GRM7: variants seen among roughly 807,000 people sequenced by gnomAD.
GRM7 encodes glutamate metabotropic receptor 7.
GRM7 carries 35 observed loss-of-function variants against 84.5 expected under a neutral mutation model. The ratio of observed to expected loss-of-function variants is 0.41; its 90% CI spans 0.32 to 0.55. The LOEUF is 0.55. GRM7 is among the 20% of genes least tolerant of loss of function. The pLI is 0.19. For missense variants in GRM7, 1,003 were observed against 1,194.6 expected (o/e 0.84, Z 2.36); for synonymous variants, 487 against 455.1 (o/e 1.07, Z -0.89).
chr3:6,875,164 C>G (rs1695255807), intron 1 of GRM7, among the ~76,000 whole-genome samples: 1 of 150,912 alleles, frequency 6.6e-6, no homozygotes, highest in African/African-American at 2.4e-5. Flanking sequence ...GGGAAACATT[C>G]TAACTAAAAT....
intron 1 of GRM7, among the ~76,000 whole-genome samples, chr3:6,935,215 C>T (rs1697645075): frequency 1.3e-5 from 2 of 152,240 alleles, no homozygotes; most frequent in South Asian, 4.1e-4. Context: ...CTACTTGATT[C>T]CACAAAATCA....
chr3:6,864,802 C>T (rs1694885838), intron 1 of GRM7, among the ~76,000 whole-genome samples: 1 of 152,220 alleles, frequency 6.6e-6, no homozygotes, highest in Admixed American at 6.5e-5. Flanking sequence ...GTAACAAATG[C>T]TGCTGCCCCC....
At chr3:7,713,343 G>C (rs1474583866) in intron 9 of GRM7, among the ~76,000 whole-genome samples, 1 of 151,630 alleles carries the variant, frequency 6.6e-6, no homozygotes, top group African/African-American at 2.4e-5. Context: ...GACCACGTTG[G>C]CCAGGCTGGT....
intron 8 of GRM7, among the ~76,000 whole-genome samples, chr3:7,611,184 T>C (rs1030361123): frequency 5.3e-5 from 8 of 152,306 alleles, no homozygotes; most frequent in Non-Finnish European, 7.3e-5. Context: ...CTAATAGTAC[T>C]TATCTTCTTG....
At chr3:7,064,479 T>TATATATATATATACACACAC in intron 1 of GRM7, among the ~76,000 whole-genome samples, 2 of 99,382 alleles carry the variant, frequency 2.0e-5, no homozygotes, top group Admixed American at 1.1e-4. Flanking sequence ...TATATATATA[T>TATATATATATATACACACAC]ACACACATAT....
At chr3:7,704,696 G>A (rs1039289650) in intron 9 of GRM7, among the ~76,000 whole-genome samples, 53 of 152,208 alleles carry the variant, frequency 3.5e-4, no homozygotes, top group African/African-American at 1.2e-3. Context: ...CAATATATAC[G>A]TGAACACAAA....
intron 4 of GRM7, among the ~76,000 whole-genome samples, chr3:7,356,912 C>T (rs1204828543): frequency 8.9e-6 from 1 of 111,912 alleles, no homozygotes; most frequent in Non-Finnish European, 1.8e-5. Flanking sequence ...GGAACTTTGC[C>T]TTTTTGATCA....
chr3:7,268,965 G>A (rs144509550), intron 2 of GRM7, among the ~76,000 whole-genome samples: 53 of 152,244 alleles, frequency 3.5e-4, no homozygotes, highest in African/African-American at 8.9e-4. Context: ...GAGGGAGAGC[G>A]TAGTCAGTAG....
intron 1 of GRM7, among the ~76,000 whole-genome samples, chr3:7,138,318 T>TG (rs1693836177): frequency 6.6e-6 from 1 of 151,998 alleles, no homozygotes. Context: ...TAGACCCTTT[T>TG]TATCACTGAG....
intron 9 of GRM7, among the ~76,000 whole-genome samples, chr3:7,699,886 T>C (rs1351897185): frequency 2.0e-5 from 3 of 152,192 alleles, no homozygotes; most frequent in Non-Finnish European, 2.9e-5. Context: ...GGGTCAGAGT[T>C]ACAGGCTCTG....
chr3:7,120,782 G>A (rs760425177), intron 1 of GRM7, among the ~76,000 whole-genome samples: 4 of 152,094 alleles, frequency 2.6e-5, no homozygotes, highest in African/African-American at 9.7e-5. Context: ...CTGCCTCTCT[G>A]GAGACAGTTT....
chr3:6,963,335 A>G lies in GRM7; in HGVS notation c.519+101428A>G, dbSNP rs566038781. The stretch of plus-strand genomic sequence containing the variant: ...CCCAAATATCTACTATATAATTAAG[A>G]ACAACATCCGAGTAATACTACTGTC... On this transcript the variant is annotated intron_variant, in intron 1 of 9. Transcript: ENST00000357716. Among the ~76,000 whole-genome samples, 5 of 152,334 alleles carry G rather than the reference A, an allele frequency of 3.3e-5. No homozygotes were observed. The East Asian group carries it at 9.6e-4, about 29-fold the overall frequency.
At chr3:6,898,607 G>T (rs1033086880) in intron 1 of GRM7, among the ~76,000 whole-genome samples, 1 of 151,966 alleles carries the variant, frequency 6.6e-6, no homozygotes, top group Non-Finnish European at 1.5e-5. Context: ...AACTTAAATT[G>T]GGGGCCAAGG....
At chr3:7,371,731 G>T (rs1385426254) in intron 4 of GRM7, among the ~76,000 whole-genome samples, 1 of 151,968 alleles carries the variant, frequency 6.6e-6, no homozygotes, top group Non-Finnish European at 1.5e-5. Flanking sequence ...AGTAGAGCTG[G>T]GATTTGCACT....
At chr3:7,653,094 C>T (rs1331899960) in intron 8 of GRM7, among the ~76,000 whole-genome samples, 4 of 151,520 alleles carry the variant, frequency 2.6e-5, no homozygotes, top group South Asian at 2.1e-4. Flanking sequence ...TACTGAATAC[C>T]GCAAACCACT....
At chr3:7,683,142 G>C (rs1370217449) in intron 9 of GRM7, among the ~76,000 whole-genome samples, 2 of 152,184 alleles carry the variant, frequency 1.3e-5, no homozygotes, top group African/African-American at 4.8e-5. Flanking sequence ...TGTATATGCA[G>C]AATATAATGA....
chr3:7,030,239 A>T (rs2124926106), intron 1 of GRM7, among the ~76,000 whole-genome samples: 1 of 152,374 alleles, frequency 6.6e-6, no homozygotes, highest in Middle Eastern at 3.4e-3. Flanking sequence ...TAGAAAATGC[A>T]GTCTAATCTG....
intron 2 of GRM7, among the ~76,000 whole-genome samples, chr3:7,256,387 G>C (rs1698199401): frequency 1.3e-5 from 2 of 152,058 alleles, no homozygotes; most frequent in Admixed American, 1.3e-4. Context: ...ATTAATTTTT[G>C]GTTTGTAGTT....
rs987388630 is a variant in GRM7 at position 7,328,863 on chromosome 3, T to A, written c.1033+22211T>A. Among the ~76,000 whole-genome samples the A allele has an allele frequency of 3.3e-5, 5 of 152,122 alleles. No individual in the cohort carries two copies. In the South Asian group the frequency reaches 1.0e-3, roughly 32 times the overall value. ...GCAGATAGTAGAAACCCTAGTAAGT[T>A]TGCATGGTGATGAGTATATGTGGGA... is the stretch of plus-strand genomic sequence containing the variant. On this transcript the variant is annotated intron_variant, in intron 4 of 9. Coordinates refer to ENST00000357716, the MANE Select transcript of GRM7 (RefSeq NM_000844.4).
Sources: gnomAD v4.1 joint callset for allele counts (sites outside exome capture counted in the v4.1 genomes callset) on GRCh38, gnomAD v4.1.1 for gene constraint, MANE v1.5 for transcripts, NCBI Gene and HGNC (gene_info 2026-07-23, HGNC 2026-07-21) for gene names.